The following ANKHD1 variants were observed in gnomAD, a reference collection of about 807,000 sequenced individuals.
ANKHD1 encodes ankyrin repeat and KH domain containing 1, also known as ankyrin repeat and KH domain-containing protein 1.
ANKHD1 carries 31 observed loss-of-function variants against 230.5 expected under a neutral mutation model. The ratio of observed to expected loss-of-function variants is 0.13; its 90% CI spans 0.10 to 0.18. The LOEUF (loss-of-function observed/expected upper bound fraction) is 0.18, where lower values mean the gene tolerates loss of function less well. ANKHD1 is among the 10% of genes least tolerant of loss of function. The pLI is 1.00. For synonymous variants in ANKHD1, 1,074 were observed against 1,117.6 expected, an observed-to-expected ratio of 0.96 and a Z score of 0.78; for missense variants, 2,256 against 3,071.3, an observed-to-expected ratio of 0.73 and a Z score of 6.27.
At chr5:140,432,559 G>A (rs1390217594) in intron 1 of ANKHD1, among the ~76,000 whole-genome samples, 2 of 152,128 alleles carry the variant, frequency 1.3e-5, no homozygotes, top group African/African-American at 4.8e-5. Flanking sequence ...GTATGAACAT[G>A]TATATTTTTA....
intron 23 of ANKHD1, 84 bp downstream of exon 23, chr5:140,513,007 T>C: frequency 7.4e-7 from 1 of 1,349,152 alleles, no homozygotes; most frequent in Non-Finnish European, 1.0e-6. Context: ...TTGTTCTTTT[T>C]ATATTCTGAA....
chr5:140,444,898 T>C (rs1774154514), intron 5 of ANKHD1, among the ~76,000 whole-genome samples: 1 of 152,194 alleles, frequency 6.6e-6, no homozygotes, highest in Admixed American at 6.5e-5. Context: ...TTCAGATCTT[T>C]ATAACATATA....
rs182301470 is a variant in ANKHD1, at chr5:140,512,062, C to T, written c.4105-766C>T. Among the ~76,000 whole-genome samples, 1,318 of 152,038 alleles carry T rather than the reference C, an allele frequency of 8.7e-3. 15 individuals are homozygous for T. Among genetic ancestry groups the T allele is most frequent in the African/African-American group, 0.03 (1,246 of 41,458 alleles). On this transcript the variant is annotated intron_variant, in intron 22 of 33. Coordinates refer to ENST00000360839, the MANE Select transcript of ANKHD1 (RefSeq NM_017747.3). ...ACCAGCCTGGCCAACATGGTAAATC[C>T]CCGTCTCTACTAAAAATACAAAAAT...
At chr5:140,426,497 CTTTT>C (rs1347455830) in intron 1 of ANKHD1, among the ~76,000 whole-genome samples, 2 of 150,658 alleles carry the variant, frequency 1.3e-5, no homozygotes, top group South Asian at 2.1e-4. Context: ...TTTCCTTGAA[CTTTT>C]TTATTTATTT....
chr5:140,403,661 G>A (rs1770179462), intron 1 of ANKHD1, among the ~76,000 whole-genome samples: 1 of 152,150 alleles, frequency 6.6e-6, no homozygotes, highest in Non-Finnish European at 1.5e-5. Flanking sequence ...CCAAGGGGCG[G>A]TATTTTATGT....
intron 6 of ANKHD1, 50 bp downstream of exon 6, chr5:140,446,025 A>T (rs1489736863): frequency 6.7e-7 from 1 of 1,485,450 alleles, no homozygotes; most frequent in Admixed American, 2.1e-5. Flanking sequence ...AACCACTTTG[A>T]TTATTTGAGT....
intron 1 of ANKHD1, among the ~76,000 whole-genome samples, chr5:140,408,954 G>T (rs145958509): frequency 6.6e-6 from 1 of 152,136 alleles, no homozygotes; most frequent in African/African-American, 2.4e-5. Flanking sequence ...TTGGGACAGA[G>T]AATTCTTTGT....
At chr5:140,521,547 A>G (rs1251213296) in intron 24 of ANKHD1, among the ~76,000 whole-genome samples, 1 of 152,254 alleles carries the variant, frequency 6.6e-6, no homozygotes. Flanking sequence ...CAGGATTTTT[A>G]CAGTGAAATT....
At chr5:140,483,062 G>T (rs2127014948) in intron 11 of ANKHD1, among the ~76,000 whole-genome samples, 1 of 151,868 alleles carries the variant, frequency 6.6e-6, no homozygotes, top group Non-Finnish European at 1.5e-5. Flanking sequence ...AGTTTGTAAG[G>T]GTCTTATTTA....
intron 29 of ANKHD1, among the ~76,000 whole-genome samples, chr5:140,532,396 G>T (rs1472232439): frequency 6.6e-6 from 1 of 152,042 alleles, no homozygotes; most frequent in African/African-American, 2.4e-5. Context: ...GGATGAAGGG[G>T]TGATTGGAGG....
At chr5:140,445,664 T>A (rs1288335764) in intron 5 of ANKHD1, 78 bp from the exon 6 acceptor site, 1 of 1,251,418 alleles carries the variant, frequency 8.0e-7, no homozygotes, top group Admixed American at 3.4e-5. Flanking sequence ...TGTATATTTC[T>A]TTTTAAATCT....
Position 140,440,145 on chromosome 5 carries a change from A to T in ANKHD1, c.644A>T (p.Asp215Val). Residue 215 changes from aspartate (D) to valine (V), a missense_variant, in exon 4 of 34, where the codon GAT becomes GTT. Asp to Val is a radical substitution (Grantham distance 152). Coordinates refer to ENST00000360839, the MANE Select transcript of ANKHD1 (RefSeq NM_017747.3). Reference sequence around the variant, plus strand: ...CGCAGTCTAGCAGAAGCTTGTTCAGATGGGGATGTTAATGCTGTTCGTAAA... The same window carrying T: ...CGCAGTCTAGCAGAAGCTTGTTCAGTTGGGGATGTTAATGCTGTTCGTAAA... Reference protein sequence around the residue: ...DTRSLAEACSDGDVNAVRKLL... With the variant: ...DTRSLAEACSVGDVNAVRKLL... 5 of 1,611,394 alleles carry T rather than the reference A, an allele frequency of 3.1e-6. No individual in the cohort carries two copies. Among genetic ancestry groups the T allele is most frequent in the Non-Finnish European group, 4.2e-6 (5 of 1,178,606 alleles).
chr5:140,444,081 C>A (rs1388392621), intron 5 of ANKHD1, among the ~76,000 whole-genome samples: 2 of 45,086 alleles, frequency 4.4e-5, no homozygotes, highest in South Asian at 2.3e-3. Flanking sequence ...AGATGAAGTC[C>A]CCCCCCCCCT....
intron 29 of ANKHD1, chr5:140,531,253 G>A (rs1426728893): frequency 1.0e-5 from 4 of 400,732 alleles, no homozygotes; most frequent in South Asian, 1.8e-5. Flanking sequence ...CTCTTTTCAC[G>A]GATATAGTTT....
chr5:140,419,249 T>C (rs575593218), intron 1 of ANKHD1, among the ~76,000 whole-genome samples: 3 of 152,196 alleles, frequency 2.0e-5, no homozygotes, highest in African/African-American at 7.2e-5. Context: ...TTCATGTGCT[T>C]ATTGGTCATA....
At chr5:140,425,441 T>C (rs570216130) in intron 1 of ANKHD1, among the ~76,000 whole-genome samples, 2 of 152,228 alleles carry the variant, frequency 1.3e-5, no homozygotes, top group African/African-American at 2.4e-5. Context: ...TTGTTTTTTG[T>C]AGAGACAGGG....
chr5:140,455,939 T>A (rs1310232296), intron 7 of ANKHD1, among the ~76,000 whole-genome samples: 2 of 152,172 alleles, frequency 1.3e-5, no homozygotes, highest in African/African-American at 4.8e-5. Context: ...TGTTTGCAGA[T>A]CACATGATTG....
Position 140,417,305 on chromosome 5 carries a change from A to G in ANKHD1, c.306+15032A>G, listed in dbSNP as rs190830224. 2.8e-3 allele frequency among the ~76,000 whole-genome samples: 425 copies of G among 152,032 alleles called. 2 individuals are homozygous for G. Among genetic ancestry groups the G allele is most frequent in the African/African-American group, 9.9e-3 (412 of 41,502 alleles). On this transcript the variant is annotated intron_variant, in intron 1 of 33. Transcript: ENST00000360839. ...TATGGTATTAAACTTAGATAAATGA[A>G]CCTGTAGTTATCATTATGACAAAGG...
intron 7 of ANKHD1, among the ~76,000 whole-genome samples, chr5:140,457,801 T>C (rs1156285565): frequency 1.3e-5 from 2 of 151,728 alleles, no homozygotes; most frequent in Non-Finnish European, 2.9e-5. Flanking sequence ...CACGTATACG[T>C]ATGTAACAAA....
Sources: gnomAD v4.1 joint callset for allele counts (sites outside exome capture counted in the v4.1 genomes callset) on GRCh38, gnomAD v4.1.1 for gene constraint, MANE v1.5 for transcripts, NCBI Gene and HGNC (gene_info 2026-07-23, HGNC 2026-07-21) for gene names.